The following OXR1 variants were observed in gnomAD, a reference collection of about 807,000 sequenced individuals.
OXR1 encodes the protein oxidation resistance protein 1.
OXR1 carries 41 observed loss-of-function variants against 104.6 expected under a neutral mutation model. The observed-to-expected ratio is 0.39, with a 90% confidence interval of 0.31 to 0.51. The LOEUF is 0.51. Among genes scored for constraint, OXR1 ranks in the 20% least tolerant of loss-of-function variants. The probability of loss-of-function intolerance (pLI) is 0.77; values close to 1 mark genes in which losing one functional copy is unlikely to be tolerated. For synonymous variants in OXR1, 348 were observed against 348.4 expected (o/e 1.00, Z 0.01); for missense variants, 955 against 1,031.9 (o/e 0.93, Z 1.02).
chr8:106,344,975 C>A (rs1193172963), intron 1 of OXR1, among the ~76,000 whole-genome samples: 2 of 152,198 alleles, frequency 1.3e-5, no homozygotes, highest in African/African-American at 4.8e-5. Context: ...CCTGGAATCA[C>A]CCTCCTTGTG....
rs564064037 is a variant in OXR1, at chr8:106,414,995, C to T, written c.23+55359C>T. ...GCCAAACGCTGTACTGCAGAATTAGCAAACCAATTACTGTGAGGGGTGATG... is the reference window on the plus strand; with the variant it reads ...GCCAAACGCTGTACTGCAGAATTAGTAAACCAATTACTGTGAGGGGTGATG... On this transcript the variant is annotated intron_variant, in intron 2 of 16. Coordinates refer to ENST00000517566, the MANE Select transcript of OXR1 (RefSeq NM_001198533.2). Among the ~76,000 whole-genome samples the T allele has an allele frequency of 5.9e-5, 9 of 152,176 alleles. No homozygotes were observed. The East Asian group carries it at 1.7e-3, about 29-fold the overall frequency.
chr8:106,714,807 T>C lies in OXR1; in HGVS notation c.1956+822T>C, dbSNP rs571574369. ...TTAATGTTTGTGGCTGTTAATGTGA[T>C]ATGAATGTATCTTGCATGCACTTAA... On this transcript the variant is annotated intron_variant, in intron 11 of 16. Transcript: ENST00000517566. 9.2e-5 allele frequency among the ~76,000 whole-genome samples: 14 copies of C among 152,254 alleles called. No homozygotes were observed. In the East Asian group the frequency reaches 2.7e-3, roughly 29 times the overall value.
intron 3 of OXR1, among the ~76,000 whole-genome samples, chr8:106,572,609 C>G (rs2123544): frequency 0.18 from 26,709 of 152,120 alleles, 2,486 homozygotes; most frequent in East Asian, 0.34. Context: ...CATGCAAGTT[C>G]TAACTTTCAC....
At chr8:106,495,954 G>A (rs1398322091) in intron 2 of OXR1, among the ~76,000 whole-genome samples, 3 of 152,042 alleles carry the variant, frequency 2.0e-5, no homozygotes, top group Non-Finnish European at 2.9e-5. Flanking sequence ...TTTATTCACT[G>A]TAGATTTATA....
At chr8:106,527,115 A>G (rs893410639) in intron 3 of OXR1, among the ~76,000 whole-genome samples, 1 of 152,228 alleles carries the variant, frequency 6.6e-6, no homozygotes, top group Non-Finnish European at 1.5e-5. Context: ...AAATCCCAGT[A>G]TGCCTCTTTA....
At chr8:106,526,432 T>C (rs16874823) in intron 3 of OXR1, among the ~76,000 whole-genome samples, 18,897 of 152,278 alleles carry the variant, frequency 0.12, 1,382 homozygotes, top group African/African-American at 0.19. Context: ...GGTATCCAGA[T>C]GTCCATTTCT....
chr8:106,608,305 C>CA (rs902415005), intron 3 of OXR1, among the ~76,000 whole-genome samples: 19 of 151,410 alleles, frequency 1.3e-4, no homozygotes, highest in African/African-American at 4.6e-4. Flanking sequence ...TCTAAAAAAG[C>CA]AAAAAACAAA....
At chr8:106,272,747 G>T (rs923582536) in intron 1 of OXR1, 1 of 152,164 alleles carries the variant, frequency 6.6e-6, no homozygotes, top group African/African-American at 2.4e-5. Context: ...TAAGGTGGGA[G>T]ATTTGAATAA....
Position 106,393,112 on chromosome 8 carries a change from A to C in OXR1, c.23+33476A>C, listed in dbSNP as rs140176502. On this transcript the variant is annotated intron_variant, in intron 2 of 16. Coordinates refer to ENST00000517566, the MANE Select transcript of OXR1 (RefSeq NM_001198533.2). ...TTCTGTTTCCTTCCTCTTACATAGC[A>C]AGCTGATTACCTGTAATCTTTTCAT... is the stretch of plus-strand genomic sequence containing the variant. Among the ~76,000 whole-genome samples the C allele has an allele frequency of 3.5e-4, 54 of 152,292 alleles. No individual in the cohort carries two copies. The East Asian group carries it at 8.9e-3, about 25-fold the overall frequency.
At chr8:106,654,009 CA>C (rs1395576126) in intron 3 of OXR1, among the ~76,000 whole-genome samples, 2 of 151,894 alleles carry the variant, frequency 1.3e-5, no homozygotes, top group African/African-American at 4.8e-5. Flanking sequence ...ATGTATGTCA[CA>C]AAAAAGTACA....
At chr8:106,493,406 C>T (rs1307015557) in intron 2 of OXR1, among the ~76,000 whole-genome samples, 1 of 152,106 alleles carries the variant, frequency 6.6e-6, no homozygotes, top group Non-Finnish European at 1.5e-5. Context: ...TTGTTACCAC[C>T]ATAGCCAAGA....
intron 6 of OXR1, among the ~76,000 whole-genome samples, chr8:106,687,656 G>T (rs1480850232): frequency 6.6e-6 from 1 of 151,152 alleles, no homozygotes; most frequent in East Asian, 1.9e-4. Flanking sequence ...GGAGTCGGGG[G>T]TTGCAGTGAG....
At chr8:106,271,228 C>T (rs1335076537) in intron 1 of OXR1, among the ~76,000 whole-genome samples, 1 of 152,236 alleles carries the variant, frequency 6.6e-6, no homozygotes, top group East Asian at 1.9e-4. Context: ...GGTTCACTTT[C>T]ACCCCTGGCT....
At chr8:106,534,352 C>A (rs752829476) in intron 3 of OXR1, among the ~76,000 whole-genome samples, 6 of 152,184 alleles carry the variant, frequency 3.9e-5, no homozygotes, top group Non-Finnish European at 5.9e-5. Flanking sequence ...GTGTTCCTTT[C>A]CCAGAACAAA....
intron 3 of OXR1, among the ~76,000 whole-genome samples, chr8:106,635,162 C>T (rs950337366): frequency 6.6e-6 from 1 of 152,132 alleles, no homozygotes; most frequent in African/African-American, 2.4e-5. Context: ...GTTAATTTCA[C>T]GAGGTGTGAT....
At chr8:106,313,056 ATT>A (rs1274644737) in intron 1 of OXR1, among the ~76,000 whole-genome samples, 1 of 152,164 alleles carries the variant, frequency 6.6e-6, no homozygotes, top group East Asian at 1.9e-4. Flanking sequence ...CCAATGTGAA[ATT>A]TTAGGAGGAT....
chr8:106,540,852 C>G (rs951685284), intron 3 of OXR1, among the ~76,000 whole-genome samples: 1 of 152,126 alleles, frequency 6.6e-6, no homozygotes, highest in African/African-American at 2.4e-5. Context: ...TTCACTATCA[C>G]GAGAACAGTG....
chr8:106,388,209 A>G (rs1817454529), intron 2 of OXR1, among the ~76,000 whole-genome samples: 1 of 152,234 alleles, frequency 6.6e-6, no homozygotes, highest in Admixed American at 6.5e-5. Context: ...GAAGAGAAAC[A>G]GAATCCTTAT....
At chr8:106,637,793 G>C (rs1211081724) in intron 3 of OXR1, among the ~76,000 whole-genome samples, 1 of 131,334 alleles carries the variant, frequency 7.6e-6, no homozygotes. Flanking sequence ...ACGGAGTCTT[G>C]CTGTGTCACC....
Sources: allele counts gnomAD v4.1 joint callset (sites outside exome capture counted in the v4.1 genomes callset), GRCh38; gene constraint gnomAD v4.1.1; transcripts MANE v1.5; gene names NCBI Gene and HGNC (gene_info 2026-07-23, HGNC 2026-07-21).